The following HEYL variants were observed in gnomAD, a reference collection of about 807,000 sequenced individuals.
HEYL encodes hes related family bHLH transcription factor with YRPW motif like.
In HEYL, 12 loss-of-function variants were observed where a neutral mutation model predicts 18.6. The observed-to-expected ratio is 0.65, with a 90% CI of 0.41 to 1.05. The LOEUF is 1.05. Ranked by LOEUF, HEYL falls within the 50% of genes least tolerant of loss-of-function variation. The pLI is 0.00. For missense variants in HEYL, 420 were observed against 444.7 expected (o/e 0.94, Z 0.50); for synonymous variants, 159 against 179.6 (o/e 0.89, Z 0.91).
Position 39,626,472 on chromosome 1 carries a change from C to T in HEYL, c.*35G>A. 1 of 1,472,618 alleles carries T rather than the reference C, an allele frequency of 6.8e-7. No individual in the cohort carries two copies. The highest frequency in any genetic ancestry group is 2.5e-5 in the East Asian group (1 of 39,804). The allele number at this position is 1,472,618 out of a possible 1,614,324, so 91.2% of individuals were successfully genotyped here. On this transcript the variant is annotated 3_prime_UTR_variant, in exon 5 of 5. Coordinates refer to ENST00000372852, the MANE Select transcript of HEYL (RefSeq NM_014571.4). ...TTTGGGCTCCTGGTAAAAGAACCTT[C>T]CTTATTCCTTGGGGCGGGGTGGTGA...
At chr1:39,629,876 G>C (rs981995310) in intron 4 of HEYL, among the ~76,000 whole-genome samples, 1 of 152,180 alleles carries the variant, frequency 6.6e-6, no homozygotes, top group Non-Finnish European at 1.5e-5. Context: ...CTGGGTTAAG[G>C]GGGGTCAGAT....
At chr1:39,631,869 TGAG>T (rs1018751131) in intron 2 of HEYL, among the ~76,000 whole-genome samples, 1 of 152,192 alleles carries the variant, frequency 6.6e-6, no homozygotes, top group African/African-American at 2.4e-5. Context: ...CCAATCACAA[TGAG>T]GACACCAGCC....
In HEYL at chr1:39,627,103, A is replaced by G. The variant is rs1280883391; in HGVS notation, c.391T>C (p.Tyr131His). Reference protein sequence around the residue: ...FRECLTEVIRYLGVLEGPSSR... With the variant: ...FRECLTEVIRHLGVLEGPSSR... ...CTGGGCCCTTCAAGGACCCCCAGGT[A>G]CCTGATGACCTCAGTGAGGCACTCC... The change falls in exon 5 of 5, where the codon TAC becomes CAC. Residue 131 changes from tyrosine (Y) to histidine (H), a missense_variant. Tyr to His is a moderately conservative substitution (Grantham distance 83). Transcript: ENST00000372852. The G allele has an allele frequency of 1.2e-6, 2 of 1,614,148 alleles. No homozygotes were observed. The highest frequency in any genetic ancestry group is 1.7e-6 in the Non-Finnish European group (2 of 1,179,986).
intron 1 of HEYL, among the ~76,000 whole-genome samples, chr1:39,636,012 C>T (rs1570444605): frequency 6.6e-6 from 1 of 152,194 alleles, no homozygotes; most frequent in East Asian, 1.9e-4. Flanking sequence ...TGGGGGGAAG[C>T]TTTCCAGGTG....
rs368236989 is a variant in HEYL at position 39,632,708 on chromosome 1, C to T, written c.88G>A (p.Ala30Thr). The T allele has an allele frequency of 2.5e-6, 4 of 1,613,866 alleles. No homozygotes were observed. The African/African-American group carries it at 5.3e-5, about 22-fold the overall frequency. The part of the protein sequence containing the change: ...VGQEGQLSQM[A>T]RPLSTPSSSQ... ...GAGCTGGGGGTGGACAGCGGCCTGG[C>T]CATCTGGCTGGAAAGGAAAAGAAAA... Residue 30 changes from alanine (A) to threonine (T), a missense_variant, in exon 2 of 5, where the codon GCC (alanine) becomes ACC (threonine). By Grantham distance (58) the Ala-to-Thr change is moderately conservative (BLOSUM62 0). Transcript: ENST00000372852.
chr1:39,631,303 T>C (rs527467813), intron 3 of HEYL, among the ~76,000 whole-genome samples, 193 bp downstream of exon 3: 1 of 138,824 alleles, frequency 7.2e-6, no homozygotes, highest in Non-Finnish European at 1.6e-5. Flanking sequence ...TTCAATGGGA[T>C]GATAGACATA....
chr1:39,636,393 A>T (rs1646362646), intron 1 of HEYL, among the ~76,000 whole-genome samples: 1 of 151,986 alleles, frequency 6.6e-6, no homozygotes, highest in African/African-American at 2.4e-5. Context: ...CAGCCTTCCA[A>T]GTAACTGGGA....
chr1:39,639,436 C>T (rs1646376088), intron 1 of HEYL, 110 bp downstream of exon 1: 1 of 842,602 alleles, frequency 1.2e-6, no homozygotes, highest in Admixed American at 3.1e-5. Context: ...GCTCACCTGC[C>T]TCTGCCCAGG....
At position 39,632,719 on chromosome 1, in the gene HEYL, G is replaced by C; in HGVS notation, c.81-4C>G. ...GGACAGCGGCCTGGCCATCTGGCTGGAAAGGAAAAGAAAAGCTGATTTTTC... is the reference window on the plus strand; with the variant it reads ...GGACAGCGGCCTGGCCATCTGGCTGCAAAGGAAAAGAAAAGCTGATTTTTC... On this transcript the variant is annotated splice_polypyrimidine_tract_variant and splice_region_variant and intron_variant, in intron 1 of 4. Coordinates refer to ENST00000372852, the MANE Select transcript of HEYL (RefSeq NM_014571.4). 6.2e-7 allele frequency: 1 copy of C among 1,613,994 alleles called. No homozygotes were observed. Among genetic ancestry groups the C allele is most frequent in the Non-Finnish European group, 8.5e-7 (1 of 1,179,914 alleles).
rs1049091777 is a variant in HEYL at position 39,627,248 on chromosome 1, T to A, written c.314-68A>T. On this transcript the variant is annotated intron_variant, in intron 4 of 4. Transcript: ENST00000372852. ...GAAGCATGGAGCCTGGGTCTGACTGTCTGAGTTCTGGACCTGCCTCCTCCA... is the reference window on the plus strand; with the variant it reads ...GAAGCATGGAGCCTGGGTCTGACTGACTGAGTTCTGGACCTGCCTCCTCCA... 3.0e-5 allele frequency: 43 copies of A among 1,429,926 alleles called. No individual in the cohort carries two copies. In the East Asian group the frequency reaches 9.9e-4, roughly 33 times the overall value. 88.6% of individuals were successfully genotyped at this position (1,429,926 alleles called of 1,614,324 possible). A position where few individuals can be genotyped will look rare whatever the true frequency, so the allele number is the denominator to read the frequency against.
intron 2 of HEYL, among the ~76,000 whole-genome samples, chr1:39,632,315 T>G (rs936226357): frequency 6.6e-6 from 1 of 152,224 alleles, no homozygotes; most frequent in African/African-American, 2.4e-5. Context: ...AGTTCTGGAC[T>G]CAGAGAGGAG....
chr1:39,630,372 A>G, intron 3 of HEYL, 64 bp from the exon 4 acceptor site: 1 of 1,280,644 alleles, frequency 7.8e-7, no homozygotes, highest in Admixed American at 1.7e-5. Flanking sequence ...CGGTGTCATC[A>G]GCACTCACTG....
Position 39,623,887 on chromosome 1 carries a change from G to A in HEYL, c.*2620C>T, listed in dbSNP as rs1358740876. Among the ~76,000 whole-genome samples the A allele has an allele frequency of 6.6e-6, 1 of 152,204 alleles. No homozygotes were observed. The highest frequency in any genetic ancestry group is 2.4e-5 in the African/African-American group (1 of 41,442). The stretch of plus-strand genomic sequence containing the variant: ...TCTGGGACTGGCAAGAAATGAGGCT[G>A]GAAATGAGGTTGGGACCAAAAGAAG... On this transcript the variant is annotated 3_prime_UTR_variant, in exon 5 of 5. Coordinates refer to ENST00000372852, the MANE Select transcript of HEYL (RefSeq NM_014571.4).
intron 4 of HEYL, 81 bp downstream of exon 4, chr1:39,630,146 T>C: frequency 6.6e-6 from 8 of 1,220,136 alleles, no homozygotes; most frequent in Non-Finnish European, 9.7e-6. Context: ...CGTGTGGACT[T>C]TGCTCACCAG....
rs1342397426 is a variant in HEYL, at chr1:39,624,126, T to C, written c.*2381A>G. The C allele has an allele frequency of 6.6e-6, 1 of 152,172 alleles. No individual in the cohort carries two copies. Among genetic ancestry groups the C allele is most frequent in the African/African-American group, 2.4e-5 (1 of 41,418 alleles). 9.4% of individuals were successfully genotyped at this position (152,172 alleles called of 1,614,324 possible). A position where few individuals can be genotyped will look rare whatever the true frequency, so the allele number is the denominator to read the frequency against. On this transcript the variant is annotated 3_prime_UTR_variant, in exon 5 of 5. Coordinates refer to ENST00000372852, the MANE Select transcript of HEYL (RefSeq NM_014571.4). ...GACAGAAGTGGATGGACTCCAGAGA[T>C]AGTTTAGAAGTAGAATCTACTGGAA...
chr1:39,639,522 C>T (rs775495813), intron 1 of HEYL, 24 bp downstream of exon 1: 68 of 1,561,074 alleles, frequency 4.4e-5, no homozygotes, highest in Middle Eastern at 1.7e-4. Flanking sequence ...TCCGCCTGCT[C>T]GGTCCCCGCA....
intron 4 of HEYL, among the ~76,000 whole-genome samples, chr1:39,629,988 G>A (rs954594857): frequency 3.9e-5 from 6 of 152,214 alleles, no homozygotes; most frequent in South Asian, 2.1e-4. Context: ...AGAAGAAAGC[G>A]CCTCCCAGGT....
chr1:39,639,082 C>T (rs1348170815), intron 1 of HEYL, among the ~76,000 whole-genome samples: 1 of 152,128 alleles, frequency 6.6e-6, no homozygotes. Context: ...TTTTCTTCTT[C>T]CTGAAATAAT....
intron 4 of HEYL, 136 bp from the exon 5 acceptor site, chr1:39,627,316 G>C: frequency 2.7e-6 from 2 of 733,326 alleles, no homozygotes; most frequent in Non-Finnish European, 4.4e-6. Context: ...CTGCCTCTCT[G>C]AGCCTGTCTC....
Sources: gnomAD v4.1 joint callset for allele counts (sites outside exome capture counted in the v4.1 genomes callset) on GRCh38, gnomAD v4.1.1 for gene constraint, MANE v1.5 for transcripts, NCBI Gene and HGNC (gene_info 2026-07-23, HGNC 2026-07-21) for gene names.